Variants in IQCJ observed in about 807,000 individuals in gnomAD.
IQCJ encodes the protein IQ domain-containing protein J.
A neutral mutation model predicts 11.0 loss-of-function variants in IQCJ; 9 were observed. The observed-to-expected ratio is 0.82, with a 90% CI of 0.49 to 1.43. IQCJ has a LOEUF of 1.43. Ranked by LOEUF, IQCJ falls within the 40% of genes most tolerant of loss-of-function variation. IQCJ has a pLI of 0.00. For missense variants in IQCJ, 146 were observed against 133.2 expected (o/e 1.10, Z -0.47); for synonymous variants, 55 against 51.3 (o/e 1.07, Z -0.31).
chr3:159,096,115 G>T (rs1433851367), intron 1 of IQCJ, among the ~76,000 whole-genome samples: 8 of 98,804 alleles, frequency 8.1e-5, no homozygotes, highest in Non-Finnish European at 1.6e-4. Context: ...CTGATGGCCA[G>T]TGATGATGAG....
intron 1 of IQCJ, among the ~76,000 whole-genome samples, chr3:159,232,307 C>T (rs1443970038): frequency 6.6e-6 from 1 of 152,090 alleles, no homozygotes; most frequent in African/African-American, 2.4e-5. Context: ...TTAGCTGTGT[C>T]CCAGAGATTC....
intron 1 of IQCJ, among the ~76,000 whole-genome samples, chr3:159,160,993 C>T (rs866166932): frequency 2.6e-5 from 4 of 152,098 alleles, no homozygotes; most frequent in South Asian, 2.1e-4. Flanking sequence ...AATAAACATA[C>T]GTGTGCATGT....
At chr3:159,090,293 C>T (rs1317293360) in intron 1 of IQCJ, among the ~76,000 whole-genome samples, 3 of 151,790 alleles carry the variant, frequency 2.0e-5, no homozygotes, top group African/African-American at 7.3e-5. Flanking sequence ...GTTCTCAGAT[C>T]TCCAGCTGCG....
chr3:159,194,623 A>G (rs1723878108), intron 1 of IQCJ, among the ~76,000 whole-genome samples: 2 of 152,166 alleles, frequency 1.3e-5, no homozygotes, highest in Admixed American at 1.3e-4. Flanking sequence ...GGTTCACTGA[A>G]CATAGTTGAC....
chr3:159,167,154 G>A (rs1722215728), intron 1 of IQCJ, among the ~76,000 whole-genome samples: 1 of 152,256 alleles, frequency 6.6e-6, no homozygotes, highest in Admixed American at 6.5e-5. Context: ...TACCAGCACA[G>A]GTATTTCTTG....
At chr3:159,262,490 A>G (rs1449007) in intron 3 of IQCJ, 58 bp from the exon 4 acceptor site, 1,141,602 of 1,573,054 alleles carry the variant, frequency 0.73, 420,154 homozygotes, top group Non-Finnish European at 0.77. Context: ...GAGTCTGTGG[A>G]CCATGATCCA....
chr3:159,129,613 A>C (rs1456096856), intron 1 of IQCJ, among the ~76,000 whole-genome samples: 2 of 152,212 alleles, frequency 1.3e-5, no homozygotes, highest in Non-Finnish European at 2.9e-5. Context: ...GAGAGGAATG[A>C]GAACTAAAGG....
chr3:159,164,604 G>A (rs1015896107), intron 1 of IQCJ, among the ~76,000 whole-genome samples: 1 of 151,900 alleles, frequency 6.6e-6, no homozygotes, highest in Non-Finnish European at 1.5e-5. Context: ...CCTGTCTCTA[G>A]TAAAAATACA....
At chr3:159,206,063 G>A (rs568882917) in intron 1 of IQCJ, among the ~76,000 whole-genome samples, 1 of 152,134 alleles carries the variant, frequency 6.6e-6, no homozygotes, top group Non-Finnish European at 1.5e-5. Flanking sequence ...GGGTAGAGAT[G>A]GGAGTGTTAG....
chr3:159,214,347 T>C (rs1234172233), intron 1 of IQCJ, among the ~76,000 whole-genome samples: 1 of 152,208 alleles, frequency 6.6e-6, no homozygotes, highest in Non-Finnish European at 1.5e-5. Flanking sequence ...TGATGATCTC[T>C]TGGCTTCACC....
chr3:159,127,781 G>T (rs530496488), intron 1 of IQCJ, among the ~76,000 whole-genome samples: 2 of 152,246 alleles, frequency 1.3e-5, no homozygotes, highest in South Asian at 4.2e-4. Context: ...TTGATAGTAC[G>T]CTTATTAACT....
At chr3:159,163,214 G>C (rs1448480901) in intron 1 of IQCJ, among the ~76,000 whole-genome samples, 2 of 152,162 alleles carry the variant, frequency 1.3e-5, no homozygotes, top group Admixed American at 6.5e-5. Flanking sequence ...ACATCAAAAA[G>C]CTTATCCACC....
chr3:159,069,662 G>A, intron 1 of IQCJ: 8 of 636,754 alleles, frequency 1.3e-5, no homozygotes, highest in South Asian at 1.1e-4. Flanking sequence ...GTATACATGT[G>A]TCTGTGCGGA....
intron 1 of IQCJ, among the ~76,000 whole-genome samples, chr3:159,087,238 T>A (rs1716850744): frequency 6.6e-6 from 1 of 152,212 alleles, no homozygotes; most frequent in South Asian, 2.1e-4. Flanking sequence ...TTGCATATAT[T>A]GAACCAGCCT....
chr3:159,116,130 G>A (rs1253437380), intron 1 of IQCJ, among the ~76,000 whole-genome samples: 1 of 152,088 alleles, frequency 6.6e-6, no homozygotes, highest in African/African-American at 2.4e-5. Flanking sequence ...AGCTACTCAG[G>A]AGGCTGAGAT....
At chr3:159,235,015 G>A (rs1726495663) in intron 1 of IQCJ, among the ~76,000 whole-genome samples, 1 of 152,068 alleles carries the variant, frequency 6.6e-6, no homozygotes, top group Non-Finnish European at 1.5e-5. Context: ...GTGCTTTGGT[G>A]CAAGAAACCC....
chr3:159,115,127 A>G (rs529909895), intron 1 of IQCJ, among the ~76,000 whole-genome samples: 29 of 152,178 alleles, frequency 1.9e-4, no homozygotes, highest in Non-Finnish European at 2.8e-4. Context: ...TGAGTAGGAA[A>G]GTTGCTTGTT....
intron 2 of IQCJ, among the ~76,000 whole-genome samples, chr3:159,251,331 C>CAG: frequency 6.6e-6 from 1 of 151,880 alleles, no homozygotes; most frequent in East Asian, 1.9e-4. Flanking sequence ...ATTTGAATAG[C>CAG]TTTCTAACTA....
chr3:159,144,732 T>C (rs1336274025), intron 1 of IQCJ, among the ~76,000 whole-genome samples: 2 of 151,586 alleles, frequency 1.3e-5, no homozygotes, highest in Non-Finnish European at 2.9e-5. Context: ...ACATAGAGAG[T>C]TGTAAGATCT....
Sources: allele counts gnomAD v4.1 joint callset (sites outside exome capture counted in the v4.1 genomes callset), GRCh38; gene constraint gnomAD v4.1.1; transcripts MANE v1.5; gene names NCBI Gene and HGNC (gene_info 2026-07-23, HGNC 2026-07-21).